CRLF2: variants seen among roughly 807,000 people sequenced by gnomAD.
The protein encoded by CRLF2 is cytokine receptor-like factor 2.
In CRLF2, 41 loss-of-function variants were observed where a neutral mutation model predicts 38.7. The ratio of observed to expected loss-of-function variants is 1.06; its 90% CI spans 0.83 to 1.37. The LOEUF (loss-of-function observed/expected upper bound fraction) is 1.37. Among genes scored for constraint, CRLF2 ranks in the 40% most tolerant of loss-of-function variants. The pLI is 0.00. For synonymous variants in CRLF2, 140 were observed against 128.8 expected (o/e 1.09, Z -0.59); for missense variants, 377 against 322.2 (o/e 1.17, Z -1.30).
chrX:1,192,452 T>TA (rs2086401292), intron 7 of CRLF2, among the ~76,000 whole-genome samples: 1 of 143,704 alleles, frequency 7.0e-6, no homozygotes, highest in Admixed American at 7.0e-5. Context: ...CCATCTGTAC[T>TA]AAAAATACAA....
intron 6 of CRLF2, among the ~76,000 whole-genome samples, chrX:1,194,398 T>C (rs2086444440): frequency 6.7e-6 from 1 of 148,942 alleles, no homozygotes; most frequent in East Asian, 2.0e-4. Flanking sequence ...GGAGGTGGAG[T>C]TTGCAGTGAG....
intron 6 of CRLF2, among the ~76,000 whole-genome samples, chrX:1,195,336 A>G: frequency 6.6e-6 from 1 of 152,274 alleles, no homozygotes; most frequent in South Asian, 2.1e-4. Flanking sequence ...TGAGAGATGG[A>G]GCAAAGACAA....
At chrX:1,199,934 G>A (rs866056517) in intron 4 of CRLF2, among the ~76,000 whole-genome samples, 1 of 150,292 alleles carries the variant, frequency 6.7e-6, no homozygotes, top group Non-Finnish European at 1.5e-5. Flanking sequence ...GTGTATGTAA[G>A]GTGTGTATAT....
chrX:1,210,131 GAAAAGAAA>G (rs1556425644), intron 1 of CRLF2, among the ~76,000 whole-genome samples: 1 of 79,520 alleles, frequency 1.3e-5, no homozygotes, highest in Admixed American at 1.6e-4. Context: ...GAAAAGAAAA[GAAAAGAAA>G]AGAAAAGAAA....
intron 7 of CRLF2, among the ~76,000 whole-genome samples, chrX:1,192,097 T>G (rs1482094643): frequency 7.9e-5 from 11 of 139,672 alleles, no homozygotes; most frequent in Non-Finnish European, 1.4e-4. Context: ...CCCAGCTACT[T>G]GGGAGGCTGA....
intron 5 of CRLF2, among the ~76,000 whole-genome samples, chrX:1,197,395 C>G (rs754647377): frequency 6.6e-6 from 1 of 152,002 alleles, no homozygotes; most frequent in Admixed American, 6.6e-5. Flanking sequence ...CACAGCCACC[C>G]CGAGGAAGTA....
At chrX:1,199,889 CTA>C (rs201052076) in intron 4 of CRLF2, among the ~76,000 whole-genome samples, 45,668 of 149,854 alleles carry the variant, frequency 0.3, 8,478 homozygotes, top group East Asian at 0.5. Context: ...AGCTATGTAT[CTA>C]TATGTGTGTG....
Position 1,200,146 on chromosome X carries a change from CAT to C in CRLF2, c.484-1424_484-1423del, listed in dbSNP as rs747363917. Among the ~76,000 whole-genome samples the C allele has an allele frequency of 5.0e-4, 75 of 149,078 alleles. 2 individuals carry two copies. In the East Asian group the frequency reaches 0.014, roughly 27 times the overall value. ...GTGTATCTATACATGTGTGTATATA[CAT>C]GTGTGTATATATACCTGTATATAAG... On this transcript the variant is annotated intron_variant, in intron 4 of 7. Transcript: ENST00000400841.
At chrX:1,193,072 C>A in intron 7 of CRLF2, 146 bp downstream of exon 7, 1 of 388,586 alleles carries the variant, frequency 2.6e-6, no homozygotes, top group South Asian at 1.3e-4. Flanking sequence ...CTCGGCCTCC[C>A]AAAGTGCTGG....
At chrX:1,210,501 G>A (rs1220573166) in intron 1 of CRLF2, among the ~76,000 whole-genome samples, 5 of 151,982 alleles carry the variant, frequency 3.3e-5, no homozygotes, top group African/African-American at 9.7e-5. Context: ...TAGTACAGAC[G>A]GGGTTTCACC....
At chrX:1,201,542 AGAT>A (rs1443940910) in intron 4 of CRLF2, among the ~76,000 whole-genome samples, 26 of 8,512 alleles carry the variant, frequency 3.1e-3, no homozygotes, top group Non-Finnish European at 4.6e-3. Context: ...GATGATACAT[AGAT>A]GATAGAGTGA....
rs1391543828 is a variant in CRLF2, at chrX:1,198,532, T to C, written c.646+30A>G. ...GCCTACTCCAGCCTGGTGACAAGGC[T>C]ATGGGACACTGCCGCGTAACAAGCA... On this transcript the variant is annotated intron_variant, in intron 5 of 7. Coordinates refer to ENST00000400841, the MANE Select transcript of CRLF2 (RefSeq NM_022148.4). 5 of 1,611,650 alleles carry C rather than the reference T, an allele frequency of 3.1e-6. No homozygotes were observed. The African/African-American group carries it at 6.7e-5, about 22-fold the overall frequency.
intron 2 of CRLF2, among the ~76,000 whole-genome samples, chrX:1,207,075 A>C (rs1302333364): frequency 7.6e-6 from 1 of 131,924 alleles, no homozygotes; most frequent in East Asian, 2.3e-4. Flanking sequence ...CCTCCTGAGT[A>C]GCTGGGATTA....
intron 3 of CRLF2, 39 bp downstream of exon 3, chrX:1,206,394 G>A: frequency 3.2e-6 from 5 of 1,580,828 alleles, no homozygotes; most frequent in South Asian, 1.1e-5. Context: ...GCTGAAGGAA[G>A]TACTGAAAAG....
At chrX:1,210,552 C>T (rs1176456584) in intron 1 of CRLF2, among the ~76,000 whole-genome samples, 7 of 152,178 alleles carry the variant, frequency 4.6e-5, no homozygotes, top group South Asian at 2.1e-4. Flanking sequence ...CCTTGTGATC[C>T]GCCCACCTCG....
rs766130018 is a variant in CRLF2 at position 1,208,418 on chromosome X, G to T, written c.182+388C>A. Among the ~76,000 whole-genome samples the T allele has an allele frequency of 3.3e-3, 505 of 152,156 alleles. 2 individuals are homozygous for T. The highest frequency in any genetic ancestry group is 0.012 in the African/African-American group (497 of 41,542). ...TACTAAAAATACAAAAATTAGCTAG[G>T]CATGGTGGCAGGTGCCTGTAATCCC... On this transcript the variant is annotated intron_variant, in intron 2 of 7. Transcript: ENST00000400841.
intron 2 of CRLF2, among the ~76,000 whole-genome samples, chrX:1,208,139 G>A (rs1603399566): frequency 6.6e-6 from 1 of 152,146 alleles, no homozygotes. Flanking sequence ...GGGTAGCCCC[G>A]GGTAAGGCTG....
chrX:1,191,928 G>A lies in CRLF2; in HGVS notation c.853-768C>T, dbSNP rs1449063531. Among the ~76,000 whole-genome samples, 694 of 151,818 alleles carry A rather than the reference G, an allele frequency of 4.6e-3. 10 individuals are homozygous for A. The highest frequency in any genetic ancestry group is 0.017 in the Middle Eastern group (5 of 294). On this transcript the variant is annotated intron_variant, in intron 7 of 7. Transcript: ENST00000400841. ...AGTTAAAACCTAGTTTGAGCCAGCC[G>A]GCCGCAGTGGCTTACACCTGTAATC...
intron 6 of CRLF2, among the ~76,000 whole-genome samples, chrX:1,195,973 A>C (rs1269511171): frequency 1.4e-5 from 2 of 140,066 alleles, no homozygotes; most frequent in Non-Finnish European, 3.1e-5. Context: ...TTAAATATAT[A>C]TTATATATAT....
Sources: gnomAD v4.1 joint callset for allele counts (sites outside exome capture counted in the v4.1 genomes callset) on GRCh38, gnomAD v4.1.1 for gene constraint, MANE v1.5 for transcripts, NCBI Gene and HGNC (gene_info 2026-07-23, HGNC 2026-07-21) for gene names.